Variants in SH3D19 observed in about 807,000 individuals in gnomAD.
SH3D19 encodes SH3 domain containing 19.
SH3D19 carries 58 observed loss-of-function variants against 112.1 expected under a neutral mutation model. That is an observed-to-expected ratio of 0.52 (90% CI 0.42 to 0.64). SH3D19 has a LOEUF of 0.64. SH3D19 is among the 30% of genes least tolerant of loss of function. The pLI is 0.00. For synonymous variants in SH3D19, 391 were observed against 448.5 expected (o/e 0.87, Z 1.62); for missense variants, 1,090 against 1,263.4 (o/e 0.86, Z 2.08).
At chr4:151,256,225 C>T (rs935735923) in intron 1 of SH3D19, among the ~76,000 whole-genome samples, 2 of 152,162 alleles carry the variant, frequency 1.3e-5, no homozygotes, top group African/African-American at 4.8e-5. Context: ...GGATATGAGA[C>T]TTGTCATCTT....
intron 1 of SH3D19, among the ~76,000 whole-genome samples, chr4:151,236,310 C>G (rs371188524): frequency 1.3e-5 from 2 of 152,238 alleles, no homozygotes; most frequent in African/African-American, 4.8e-5. Context: ...GTGGGTTCCG[C>G]GGGCCCCGCA....
chr4:151,157,063 G>T (rs991861355), intron 9 of SH3D19, among the ~76,000 whole-genome samples: 2 of 152,078 alleles, frequency 1.3e-5, no homozygotes, highest in African/African-American at 4.8e-5. Flanking sequence ...AACAGCCTGG[G>T]CAATGTGGCA....
intron 19 of SH3D19, among the ~76,000 whole-genome samples, chr4:151,124,458 C>T (rs966258473): frequency 1.3e-5 from 2 of 151,642 alleles, no homozygotes; most frequent in Non-Finnish European, 2.9e-5. Flanking sequence ...GTGGCTCACT[C>T]CTGTAATCCT....
chr4:151,314,561 A>C (rs1342330515), intron 1 of SH3D19, among the ~76,000 whole-genome samples: 1 of 152,236 alleles, frequency 6.6e-6, no homozygotes, highest in Non-Finnish European at 1.5e-5. Flanking sequence ...GAATCTAGGT[A>C]TCTTATAACA....
chr4:151,219,299 C>T (rs1341233241), intron 2 of SH3D19, among the ~76,000 whole-genome samples: 1 of 152,096 alleles, frequency 6.6e-6, no homozygotes, highest in Non-Finnish European at 1.5e-5. Flanking sequence ...TAGCTATAAT[C>T]CCCTTTATCC....
intron 2 of SH3D19, among the ~76,000 whole-genome samples, chr4:151,216,993 C>T (rs753754660): frequency 6.6e-6 from 1 of 151,828 alleles, no homozygotes; most frequent in Non-Finnish European, 1.5e-5. Flanking sequence ...AAGAATTTCC[C>T]GCCCACAAAA....
intron 1 of SH3D19, among the ~76,000 whole-genome samples, chr4:151,252,587 AATCTC>A (rs1771502790): frequency 6.6e-6 from 1 of 152,166 alleles, no homozygotes; most frequent in Non-Finnish European, 1.5e-5. Context: ...TAGGGGACCT[AATCTC>A]ATCTCATGGC....
intron 1 of SH3D19, among the ~76,000 whole-genome samples, chr4:151,265,023 T>C (rs1043178014): frequency 5.9e-5 from 9 of 152,110 alleles, no homozygotes; most frequent in African/African-American, 1.9e-4. Flanking sequence ...AATCATTGTT[T>C]AAAAATGATA....
At chr4:151,285,253 C>T (rs550333180) in intron 1 of SH3D19, among the ~76,000 whole-genome samples, 1 of 152,202 alleles carries the variant, frequency 6.6e-6, no homozygotes, top group South Asian at 2.1e-4. Flanking sequence ...ACAAGTCACT[C>T]CCATAAGAAA....
At chr4:151,154,293 C>A (rs535798792) in intron 9 of SH3D19, among the ~76,000 whole-genome samples, 2 of 149,148 alleles carry the variant, frequency 1.3e-5, no homozygotes, top group African/African-American at 2.6e-5. Context: ...CCACCACACC[C>A]AGCTAATTTT....
intron 1 of SH3D19, among the ~76,000 whole-genome samples, chr4:151,275,168 G>A (rs1366869438): frequency 1.3e-5 from 2 of 151,024 alleles, no homozygotes; most frequent in Admixed American, 1.3e-4. Flanking sequence ...CTCACTGCAA[G>A]CTCTGCCTCC....
intron 1 of SH3D19, among the ~76,000 whole-genome samples, chr4:151,254,811 T>C (rs1439287828): frequency 1.1e-4 from 16 of 151,728 alleles, no homozygotes; most frequent in Non-Finnish European, 2.1e-4. Context: ...ATTGTCATCC[T>C]GGCCCGTTCT....
intron 9 of SH3D19, 98 bp downstream of exon 9, chr4:151,159,142 A>G: frequency 1.6e-6 from 1 of 641,102 alleles, no homozygotes; most frequent in South Asian, 2.8e-5. Flanking sequence ...CTTGTTTTTA[A>G]TCTGACCAGT....
chr4:151,160,716 T>C (rs1285109165), intron 8 of SH3D19, among the ~76,000 whole-genome samples: 1 of 151,744 alleles, frequency 6.6e-6, no homozygotes, highest in Admixed American at 6.6e-5. Context: ...CACTCTCTTC[T>C]TCCATTTCAA....
chr4:151,312,040 A>G (rs1288490039), intron 1 of SH3D19, among the ~76,000 whole-genome samples: 1 of 152,178 alleles, frequency 6.6e-6, no homozygotes, highest in African/African-American at 2.4e-5. Flanking sequence ...TATTCTCACT[A>G]TAAGAAACAA....
intron 2 of SH3D19, among the ~76,000 whole-genome samples, chr4:151,223,908 C>G (rs895219055): frequency 6.6e-6 from 1 of 152,118 alleles, no homozygotes; most frequent in Non-Finnish European, 1.5e-5. Context: ...GCATGGGATT[C>G]TGTTTTGTTT....
intron 1 of SH3D19, among the ~76,000 whole-genome samples, chr4:151,296,662 G>T (rs1775738130): frequency 6.6e-6 from 1 of 152,052 alleles, no homozygotes; most frequent in South Asian, 2.1e-4. Flanking sequence ...ATATAAATTT[G>T]CAGAATATTT....
At chr4:151,210,079 TAC>T (rs1316050044) in intron 2 of SH3D19, among the ~76,000 whole-genome samples, 12 of 152,184 alleles carry the variant, frequency 7.9e-5, no homozygotes, top group Admixed American at 5.9e-4. Flanking sequence ...CAAAGAATGT[TAC>T]AGAGGTAAGA....
chr4:151,290,709 G>C (rs943833590), intron 1 of SH3D19, among the ~76,000 whole-genome samples: 1 of 152,106 alleles, frequency 6.6e-6, no homozygotes, highest in Non-Finnish European at 1.5e-5. Flanking sequence ...AAAAGAAAGA[G>C]AACAAGACTA....
Sources: allele counts gnomAD v4.1 joint callset (sites outside exome capture counted in the v4.1 genomes callset), GRCh38; gene constraint gnomAD v4.1.1; transcripts MANE v1.5; gene names NCBI Gene and HGNC (gene_info 2026-07-23, HGNC 2026-07-21).